Variants in GALNTL6 observed in about 807,000 individuals in gnomAD.
The protein encoded by GALNTL6 is polypeptide N-acetylgalactosaminyltransferase like 6.
In GALNTL6, 46 loss-of-function variants were observed where a neutral mutation model predicts 73.7. The ratio of observed to expected loss-of-function variants is 0.62; its 90% CI spans 0.49 to 0.80. The LOEUF is 0.80. GALNTL6 is among the 30% of genes least tolerant of loss of function. The pLI, the probability that GALNTL6 is intolerant of heterozygous loss-of-function variation, is 0.00. For missense variants in GALNTL6, 604 were observed against 755.0 expected (o/e 0.80, Z 2.34); for synonymous variants, 259 against 263.7 (o/e 0.98, Z 0.17).
intron 8 of GALNTL6, among the ~76,000 whole-genome samples, chr4:172,888,266 C>T (rs1035210041): frequency 2.6e-5 from 4 of 152,172 alleles, no homozygotes; most frequent in Non-Finnish European, 5.9e-5. Flanking sequence ...TTGCCAAGGC[C>T]AATGTCCAGA....
At chr4:172,309,078 GTT>G (rs56918922) in intron 3 of GALNTL6, among the ~76,000 whole-genome samples, 122,305 of 151,636 alleles carry the variant, frequency 0.81, 49,863 homozygotes, top group Non-Finnish European at 0.87. Flanking sequence ...GATGAAATTT[GTT>G]TTTTTTTGTT....
At chr4:172,617,903 A>T (rs1286606906) in intron 5 of GALNTL6, among the ~76,000 whole-genome samples, 1 of 152,172 alleles carries the variant, frequency 6.6e-6, no homozygotes, top group Non-Finnish European at 1.5e-5. Context: ...TTATAATGTG[A>T]CAATGTACAT....
chr4:172,225,416 A>C (rs922950746), intron 2 of GALNTL6, among the ~76,000 whole-genome samples: 3 of 127,118 alleles, frequency 2.4e-5, no homozygotes, highest in Non-Finnish European at 3.4e-5. Context: ...AATGAATTTG[A>C]CTTTTTTTTT....
At chr4:172,195,140 T>C (rs1450586163) in intron 2 of GALNTL6, among the ~76,000 whole-genome samples, 1 of 152,050 alleles carries the variant, frequency 6.6e-6, no homozygotes, top group Non-Finnish European at 1.5e-5. Context: ...AAGCATGGGC[T>C]GCAATCCTAA....
At position 172,670,142 on chromosome 4, in the gene GALNTL6, A is replaced by G. The variant is rs909961775; in HGVS notation, c.554-139219A>G. ...CTGAAATGAACATATGCGTTCATGT[A>G]TCTTTGTAATAGACCATTTATATTC... On this transcript the variant is annotated intron_variant, in intron 5 of 12. Coordinates refer to ENST00000506823, the MANE Select transcript of GALNTL6 (RefSeq NM_001034845.3). 2.6e-5 allele frequency among the ~76,000 whole-genome samples: 4 copies of G among 152,218 alleles called. No homozygotes were observed. The South Asian group carries it at 8.3e-4, about 32-fold the overall frequency.
intron 2 of GALNTL6, among the ~76,000 whole-genome samples, chr4:171,850,145 T>C (rs1178592286): frequency 6.6e-6 from 1 of 152,168 alleles, no homozygotes; most frequent in Non-Finnish European, 1.5e-5. Context: ...TTTGTATTTG[T>C]ATTTTTAGTA....
At chr4:171,919,911 A>G (rs541108919) in intron 2 of GALNTL6, among the ~76,000 whole-genome samples, 90 of 152,248 alleles carry the variant, frequency 5.9e-4, no homozygotes, top group Admixed American at 9.8e-4. Flanking sequence ...TACTGGGTGT[A>G]TACTGAAAGG....
chr4:172,011,904 G>A (rs1741019721), intron 2 of GALNTL6, among the ~76,000 whole-genome samples: 2 of 152,058 alleles, frequency 1.3e-5, no homozygotes, highest in South Asian at 2.1e-4. Flanking sequence ...ATTTTTCATA[G>A]TGCAATAGGG....
At chr4:172,945,823 A>G (rs1315133128) in intron 9 of GALNTL6, among the ~76,000 whole-genome samples, 2 of 152,228 alleles carry the variant, frequency 1.3e-5, no homozygotes, top group East Asian at 3.8e-4. Context: ...AGAGAAAAGT[A>G]GAGCTAGGCT....
intron 2 of GALNTL6, among the ~76,000 whole-genome samples, chr4:172,188,546 C>T (rs1369672762): frequency 6.6e-6 from 1 of 152,192 alleles, no homozygotes; most frequent in Non-Finnish European, 1.5e-5. Flanking sequence ...GGGACGCCAA[C>T]TGCACCGAAT....
At chr4:172,344,211 A>G (rs1741664045) in intron 4 of GALNTL6, among the ~76,000 whole-genome samples, 1 of 152,172 alleles carries the variant, frequency 6.6e-6, no homozygotes, top group South Asian at 2.1e-4. Context: ...GTAAACTTTT[A>G]TTCTCAACCT....
chr4:172,650,941 G>C (rs1372055696), intron 5 of GALNTL6, among the ~76,000 whole-genome samples: 1 of 152,174 alleles, frequency 6.6e-6, no homozygotes, highest in African/African-American at 2.4e-5. Context: ...ACTGTAATAT[G>C]AGTAATTCAG....
chr4:172,398,271 C>T (rs1743918916), intron 5 of GALNTL6, among the ~76,000 whole-genome samples: 1 of 152,088 alleles, frequency 6.6e-6, no homozygotes, highest in Non-Finnish European at 1.5e-5. Context: ...TCAGTGCTGA[C>T]TTAAGAAGTG....
intron 2 of GALNTL6, among the ~76,000 whole-genome samples, chr4:172,151,737 A>G (rs549565969): frequency 6.6e-6 from 1 of 152,174 alleles, no homozygotes; most frequent in Admixed American, 6.5e-5. Flanking sequence ...CTGATTCAAT[A>G]GGTCTGGGCA....
intron 5 of GALNTL6, among the ~76,000 whole-genome samples, chr4:172,445,081 C>T (rs943191596): frequency 6.6e-6 from 1 of 152,016 alleles, no homozygotes; most frequent in Non-Finnish European, 1.5e-5. Flanking sequence ...CCAAAAAAGC[C>T]CCAGCCTATA....
chr4:172,781,745 G>T (rs1030636454), intron 5 of GALNTL6, among the ~76,000 whole-genome samples: 1 of 151,920 alleles, frequency 6.6e-6, no homozygotes, highest in Non-Finnish European at 1.5e-5. Flanking sequence ...GAAAAACCTA[G>T]CAACAGTGAT....
At chr4:171,959,324 T>C (rs1455426873) in intron 2 of GALNTL6, among the ~76,000 whole-genome samples, 2 of 152,188 alleles carry the variant, frequency 1.3e-5, no homozygotes, top group Admixed American at 6.6e-5. Flanking sequence ...TTAGGTAAGA[T>C]ACTAAGTCTG....
At chr4:172,168,755 A>G (rs1453628071) in intron 2 of GALNTL6, among the ~76,000 whole-genome samples, 1 of 152,150 alleles carries the variant, frequency 6.6e-6, no homozygotes, top group Non-Finnish European at 1.5e-5. Context: ...CTTATCTTTT[A>G]CCTTGTCAAT....
At chr4:171,977,494 G>A (rs7657360) in intron 2 of GALNTL6, among the ~76,000 whole-genome samples, 8,496 of 152,124 alleles carry the variant, frequency 0.056, 618 homozygotes, top group African/African-American at 0.17. Flanking sequence ...GTAGATGGCT[G>A]TCTTCTCTCT....
Sources: allele counts gnomAD v4.1 joint callset (sites outside exome capture counted in the v4.1 genomes callset), GRCh38; gene constraint gnomAD v4.1.1; transcripts MANE v1.5; gene names NCBI Gene and HGNC (gene_info 2026-07-23, HGNC 2026-07-21).